DNAI2: variants seen among roughly 807,000 people sequenced by gnomAD.
DNAI2 encodes dynein, axonemal, intermediate polypeptide 2.
Under a neutral mutation model 74.7 loss-of-function variants are expected in DNAI2, and 63 were observed. That is an observed-to-expected ratio of 0.84 (90% CI 0.69 to 1.04). DNAI2 has a LOEUF of 1.04. Ranked by LOEUF, DNAI2 falls within the 50% of genes least tolerant of loss-of-function variation. The pLI, the probability that DNAI2 is intolerant of heterozygous loss-of-function variation, is 0.00. For synonymous variants in DNAI2, 289 were observed against 314.9 expected (o/e 0.92, Z 0.87); for missense variants, 688 against 803.2 (o/e 0.86, Z 1.73).
At chr17:74,312,691 T>C (rs2144136381) in intron 12 of DNAI2, among the ~76,000 whole-genome samples, 1 of 152,318 alleles carries the variant, frequency 6.6e-6, no homozygotes, top group African/African-American at 2.4e-5. Context: ...TGTGGTCAGC[T>C]CATCTGCCCA....
chr17:74,293,195 T>C (rs958057903), intron 6 of DNAI2, among the ~76,000 whole-genome samples: 1 of 152,216 alleles, frequency 6.6e-6, no homozygotes, highest in Non-Finnish European at 1.5e-5. Context: ...TCAAGACTTC[T>C]ATTTCCTTGT....
At chr17:74,313,835 G>A in intron 12 of DNAI2, 1 of 457,922 alleles carries the variant, frequency 2.2e-6, no homozygotes, top group Non-Finnish European at 4.1e-6. Context: ...CTCTATGGGT[G>A]AGGGGGCCAA....
Position 74,274,284 on chromosome 17 carries a change from GA to G in DNAI2, c.-72del, listed in dbSNP as rs1294954924. The G allele has an allele frequency of 2.0e-5, 3 of 152,122 alleles. No homozygotes were observed. Among genetic ancestry groups the G allele is most frequent in the African/African-American group, 7.2e-5 (3 of 41,546 alleles). 9.4% of individuals were successfully genotyped at this position (152,122 alleles called of 1,614,324 possible). On this transcript the variant is annotated 5_prime_UTR_variant, in exon 1 of 14. Coordinates refer to ENST00000311014, the MANE Select transcript of DNAI2 (RefSeq NM_023036.6). ...AAACGCCGCCGTTTGAGGAGCACCG[GA>G]GCCGCGACCGTGGATTGAACGCTTC...
At chr17:74,298,783 C>T (rs1340125545) in intron 6 of DNAI2, among the ~76,000 whole-genome samples, 1 of 152,002 alleles carries the variant, frequency 6.6e-6, no homozygotes, top group African/African-American at 2.4e-5. Context: ...GCCACCATGC[C>T]CAGCTAGGTT....
intron 9 of DNAI2, among the ~76,000 whole-genome samples, chr17:74,306,913 T>C (rs754676358): frequency 6.6e-6 from 1 of 152,170 alleles, no homozygotes; most frequent in Non-Finnish European, 1.5e-5. Flanking sequence ...CCACCGTGCC[T>C]GGTGGAGGAG....
chr17:74,289,827 G>C (rs1222960437), intron 5 of DNAI2, 91 bp downstream of exon 5: 5 of 1,554,476 alleles, frequency 3.2e-6, no homozygotes, highest in Non-Finnish European at 4.4e-6. Flanking sequence ...AGGAGGTCAA[G>C]GACACTCACG....
At chr17:74,281,057 A>G (rs1318753223) in intron 1 of DNAI2, among the ~76,000 whole-genome samples, 2 of 137,410 alleles carry the variant, frequency 1.5e-5, no homozygotes, top group Non-Finnish European at 3.0e-5. Context: ...ACTGCACTCC[A>G]GCCTGGGTGA....
chr17:74,303,422 G>A (rs542308179), intron 8 of DNAI2, among the ~76,000 whole-genome samples: 8 of 152,150 alleles, frequency 5.3e-5, no homozygotes, highest in Non-Finnish European at 8.8e-5. Context: ...TGCCCTTGAC[G>A]CCCAACTTGA....
intron 6 of DNAI2, among the ~76,000 whole-genome samples, chr17:74,298,213 C>T (rs775413109): frequency 1.2e-4 from 19 of 152,384 alleles, no homozygotes; most frequent in Non-Finnish European, 2.4e-4. Context: ...CCAAGAAGGG[C>T]CCCTCTAGGG....
At chr17:74,287,381 A>C (rs1323220773) in intron 4 of DNAI2, among the ~76,000 whole-genome samples, 1 of 152,242 alleles carries the variant, frequency 6.6e-6, no homozygotes, top group Non-Finnish European at 1.5e-5. Context: ...TACAAGTACC[A>C]AGCATGAGCA....
rs1162547725 is a variant in DNAI2, at chr17:74,281,833, G to A, written c.16G>A (p.Val6Met). Residue 6 changes from valine to methionine, a missense_variant, in exon 2 of 14, where the codon GTG becomes ATG. Coordinates refer to ENST00000311014, the MANE Select transcript of DNAI2 (RefSeq NM_023036.6). ...AGCCGGCACCATGGAGATTGTGTAC[G>A]TGTACGTCAAGAAGCGCAGCGAGTT... is the stretch of plus-strand genomic sequence containing the variant. MEIVY[V>M]YVKKRSEFGK... 6.2e-7 allele frequency: 1 copy of A among 1,614,008 alleles called. No individual in the cohort carries two copies. Among genetic ancestry groups the A allele is most frequent in the Non-Finnish European group, 8.5e-7 (1 of 1,180,018 alleles).
Position 74,301,897 on chromosome 17 carries a change from AGG to A in DNAI2, c.987+730_987+731del, listed in dbSNP as rs1336496105. On this transcript the variant is annotated intron_variant, in intron 8 of 13. Coordinates refer to ENST00000311014, the MANE Select transcript of DNAI2 (RefSeq NM_023036.6). ...AAGGAAGGAAGGAAGGAAGGAAGGA[AGG>A]AAGGAAGGAAAGAAGGAAGGAAGGA... Among the ~76,000 whole-genome samples, 23 of 41,302 alleles carry A rather than the reference AGG, an allele frequency of 5.6e-4. 1 individual carries two copies. The highest frequency in any genetic ancestry group is 1.2e-3 in the African/African-American group (11 of 8,832). 27.1% of individuals were successfully genotyped at this position (41,302 alleles called of 152,430 possible).
intron 8 of DNAI2, among the ~76,000 whole-genome samples, chr17:74,301,702 G>A (rs2052774421): frequency 6.6e-6 from 1 of 151,516 alleles, no homozygotes; most frequent in Admixed American, 6.6e-5. Context: ...GGTCGGGCAG[G>A]GTGGCTCACG....
At chr17:74,294,256 C>A (rs955643024) in intron 6 of DNAI2, among the ~76,000 whole-genome samples, 1 of 151,226 alleles carries the variant, frequency 6.6e-6, no homozygotes, top group African/African-American at 2.4e-5. Flanking sequence ...TTCTTTTGTG[C>A]CACGTATTTT....
chr17:74,313,989 GTTCCAGGGTGCTCAGCGACCCAGGC>G, intron 12 of DNAI2, 107 bp from the exon 13 acceptor site: 1 of 1,494,704 alleles, frequency 6.7e-7, no homozygotes. Flanking sequence ...TGGCACCCGG[GTTCCAGGGTGCTCAGCGACCCAGGC>G]TTCAGCCATT....
chr17:74,314,451 G>A (rs1288977479), intron 13 of DNAI2, 138 bp from the exon 14 acceptor site: 18 of 755,756 alleles, frequency 2.4e-5, no homozygotes, highest in South Asian at 1.4e-4. Context: ...GGCTTGTCCC[G>A]GAGCTGGCTG....
At chr17:74,277,873 C>T (rs913037332) in intron 1 of DNAI2, among the ~76,000 whole-genome samples, 4 of 152,230 alleles carry the variant, frequency 2.6e-5, no homozygotes, top group Non-Finnish European at 5.9e-5. Flanking sequence ...TAAGTTCCCT[C>T]ACTTTAAATC....
intron 8 of DNAI2, among the ~76,000 whole-genome samples, chr17:74,304,280 T>G (rs1177961095): frequency 7.3e-6 from 1 of 137,768 alleles, no homozygotes; most frequent in Non-Finnish European, 1.5e-5. Context: ...CTGCAACCTC[T>G]GCCTAAAACC....
At chr17:74,299,662 C>T (rs2144025694) in intron 6 of DNAI2, 56 bp from the exon 7 acceptor site, 1 of 1,609,292 alleles carries the variant, frequency 6.2e-7, no homozygotes, top group African/African-American at 1.3e-5. Flanking sequence ...GCTCCCTGCC[C>T]TAAGGAAGGA....
Sources: allele counts gnomAD v4.1 joint callset (sites outside exome capture counted in the v4.1 genomes callset), GRCh38; gene constraint gnomAD v4.1.1; transcripts MANE v1.5; gene names NCBI Gene and HGNC (gene_info 2026-07-23, HGNC 2026-07-21).